Variants in CLCN1 observed in about 807,000 individuals in gnomAD.
CLCN1 encodes the protein chloride voltage-gated channel 1.
In CLCN1, 100 loss-of-function variants were observed where a neutral mutation model predicts 114.5. The ratio of observed to expected loss-of-function variants is 0.87; its 90% CI spans 0.74 to 1.03. The LOEUF is 1.03. Ranked by LOEUF, CLCN1 falls within the 50% of genes least tolerant of loss-of-function variation. CLCN1 has a pLI of 0.00. For missense variants in CLCN1, 1,188 were observed against 1,250.0 expected, an observed-to-expected ratio of 0.95 and a Z score of 0.75; for synonymous variants, 485 against 487.1, an observed-to-expected ratio of 1.00 and a Z score of 0.06.
rs1275027459 is a variant in CLCN1, at chr7:143,337,857, C to T, written c.1402-1396C>T. 1.1e-4 allele frequency among the ~76,000 whole-genome samples: 10 copies of T among 91,018 alleles called. No homozygotes were observed. In the South Asian group the frequency reaches 2.7e-3, roughly 25 times the overall value. 59.7% of individuals were successfully genotyped at this position (91,018 alleles called of 152,430 possible). A position where few individuals can be genotyped will look rare whatever the true frequency, so the allele number is the denominator to read the frequency against. ...TTTTTTTTTTTTTGCGACAGAGTCTCGCTCTGTCGCCCAGGCTGGAGGGCA... is the reference window on the plus strand; with the variant it reads ...TTTTTTTTTTTTTGCGACAGAGTCTTGCTCTGTCGCCCAGGCTGGAGGGCA... On this transcript the variant is annotated intron_variant, in intron 12 of 22. Transcript: ENST00000343257.
intron 8 of CLCN1, 92 bp downstream of exon 8, chr7:143,330,989 G>A: frequency 1.3e-6 from 2 of 1,575,604 alleles, no homozygotes; most frequent in Admixed American, 1.7e-5. Flanking sequence ...TTCAGAAAAG[G>A]AATAATGGGC....
At chr7:143,320,827 G>T in intron 3 of CLCN1, 32 bp downstream of exon 3, 1 of 1,613,046 alleles carries the variant, frequency 6.2e-7, no homozygotes, top group South Asian at 1.1e-5. Flanking sequence ...GCCCACAGCC[G>T]TTTCTGGAGT....
At chr7:143,317,877 C>A (rs1802329279) in intron 1 of CLCN1, among the ~76,000 whole-genome samples, 1 of 152,076 alleles carries the variant, frequency 6.6e-6, no homozygotes, top group Non-Finnish European at 1.5e-5. Flanking sequence ...CCCCCTGGCC[C>A]TGTGTTCTCA....
intron 7 of CLCN1, among the ~76,000 whole-genome samples, chr7:143,328,417 C>T (rs1802631459): frequency 6.6e-6 from 1 of 152,114 alleles, no homozygotes; most frequent in South Asian, 2.1e-4. Context: ...CTTCCGAAAG[C>T]TGTTTTTGTT....
rs1802724438 is a variant in CLCN1, at chr7:143,331,549, A to AG, written c.1065dup. The stretch of plus-strand genomic sequence containing the variant: ...TTCCAACTCTATAAATTACACCCTC[A>AG]GGATTTGCTGTGGGCTCCTGGGAGC... On this transcript the variant is annotated splice_acceptor_variant, in intron 9 of 22. Coordinates refer to ENST00000343257, the MANE Select transcript of CLCN1 (RefSeq NM_000083.3). LOFTEE classifies it high-confidence loss of function. The AG allele has an allele frequency of 6.2e-7, 1 of 1,607,206 alleles. No homozygotes were observed. Among genetic ancestry groups the AG allele is most frequent in the Non-Finnish European group, 8.5e-7 (1 of 1,173,728 alleles).
chr7:143,339,418 T>C lies in CLCN1; in HGVS notation c.1472-93T>C. ...GCCCGGGATGCTGGGAGTTTATATT[T>C]GTTCTTAATGCCCAAGGAGAGATTG... On this transcript the variant is annotated intron_variant, in intron 13 of 22. Coordinates refer to ENST00000343257, the MANE Select transcript of CLCN1 (RefSeq NM_000083.3). This position sits in a 1 kb window ranked among gnomAD's most constrained non-coding sequence, Gnocchi z 4.1. 7.3e-7 allele frequency: 1 copy of C among 1,369,666 alleles called. No homozygotes were observed. The allele number at this position is 1,369,666 out of a possible 1,614,324, so 84.8% of individuals were successfully genotyped here. A position where few individuals can be genotyped will look rare whatever the true frequency, so the allele number is the denominator to read the frequency against.
intron 12 of CLCN1, among the ~76,000 whole-genome samples, chr7:143,336,495 A>G (rs1411395541): frequency 1.3e-5 from 2 of 151,822 alleles, no homozygotes; most frequent in African/African-American, 2.4e-5. Context: ...CTGTAATCCC[A>G]GCTCCTCGGG....
At position 143,345,776 on chromosome 7, in the gene CLCN1, G is replaced by A; in HGVS notation, c.2172+14G>A. 2 of 1,605,260 alleles carry A rather than the reference G, an allele frequency of 1.2e-6. No homozygotes were observed. The highest frequency in any genetic ancestry group is 2.2e-5 in the South Asian group (2 of 89,636). On this transcript the variant is annotated intron_variant, in intron 17 of 22. Coordinates refer to ENST00000343257, the MANE Select transcript of CLCN1 (RefSeq NM_000083.3). The stretch of plus-strand genomic sequence containing the variant: ...GGCAAGAGCGAGGTGACCGCGCCGG[G>A]AAGGGCTAGGGAGTGGGATAGATCA...
In CLCN1 at chr7:143,339,455, T is replaced by TTGGATCTCGTAATGGTTCTGAAAACA. The variant is rs2116865080; in HGVS notation, c.1472-56_1472-55insTGGATCTCGTAATGGTTCTGAAAACA. 3.4e-6 allele frequency: 5 copies of TTGGATCTCGTAATGGTTCTGAAAACA among 1,466,228 alleles called. No individual in the cohort carries two copies. In the Admixed American group the frequency reaches 5.0e-5, roughly 15 times the overall value. 90.8% of individuals were successfully genotyped at this position (1,466,228 alleles called of 1,614,324 possible). On this transcript the variant is annotated intron_variant, in intron 13 of 22. Transcript: ENST00000343257. This position sits in a 1 kb window ranked among gnomAD's most constrained non-coding sequence, Gnocchi z 4.1. ...CCAAGGAGAGATTGGTTCTGAAAAC[T>TTGGATCTCGTAATGGTTCTGAAAACA]GAGAGCAAGGAACTTGGATCTCGTA...
chr7:143,321,553 C>CT lies in CLCN1; in HGVS notation c.562+61dup. ...GTGGCCTGAGAGGGGCCCTGTCTGT[C>CT]TCCCCCATCATCCAGCCCCACCCAC... On this transcript the variant is annotated intron_variant, in intron 4 of 22. Transcript: ENST00000343257. The surrounding 1 kb of genome is among the most constrained non-coding windows in gnomAD (Gnocchi z 4.2). 6.2e-7 allele frequency: 1 copy of CT among 1,612,644 alleles called. No homozygotes were observed. Among genetic ancestry groups the CT allele is most frequent in the Non-Finnish European group, 8.5e-7 (1 of 1,179,496 alleles).
At chr7:143,343,721 T>C (rs1356477028) in intron 16 of CLCN1, among the ~76,000 whole-genome samples, 1 of 152,098 alleles carries the variant, frequency 6.6e-6, no homozygotes, top group African/African-American at 2.4e-5. Flanking sequence ...TTTCTCTTTC[T>C]TTCTTTCCTT....
chr7:143,344,749 G>GC (rs1205402473), intron 16 of CLCN1, among the ~76,000 whole-genome samples: 1 of 96,018 alleles, frequency 1.0e-5, no homozygotes, highest in Non-Finnish European at 2.0e-5. Context: ...TATCCTAGCA[G>GC]GGTTTTTTTT....
chr7:143,337,662 T>C (rs1180624030), intron 12 of CLCN1, among the ~76,000 whole-genome samples: 1 of 152,174 alleles, frequency 6.6e-6, no homozygotes, highest in African/African-American at 2.4e-5. Flanking sequence ...AAGTTTGAGA[T>C]CCATTTCTGA....
At chr7:143,330,708 TG>T (rs1802697341) in intron 7 of CLCN1, 63 bp from the exon 8 acceptor site, 2 of 1,610,260 alleles carry the variant, frequency 1.2e-6, no homozygotes, top group Admixed American at 1.7e-5. Context: ...GTCCAAGCAG[TG>T]GGGAGTGTGG....
rs1257110037 is a variant in CLCN1, at chr7:143,321,582, C to T, written c.562+89C>T. The T allele has an allele frequency of 4.4e-6, 7 of 1,607,786 alleles. No individual in the cohort carries two copies. The highest frequency in any genetic ancestry group is 5.1e-6 in the Non-Finnish European group (6 of 1,175,412). ...CCCATCATCCAGCCCCACCCACAGC[C>T]CTGTGCTGCCTTGCCCCATCCTCCC... On this transcript the variant is annotated intron_variant, in intron 4 of 22. Coordinates refer to ENST00000343257, the MANE Select transcript of CLCN1 (RefSeq NM_000083.3). The surrounding 1 kb of genome is among the most constrained non-coding windows in gnomAD (Gnocchi z 4.2).
At chr7:143,328,489 T>G (rs1802635031) in intron 7 of CLCN1, among the ~76,000 whole-genome samples, 2 of 152,226 alleles carry the variant, frequency 1.3e-5, no homozygotes, top group South Asian at 4.1e-4. Flanking sequence ...ATATTAAAAT[T>G]AGCTCTCATT....
intron 5 of CLCN1, among the ~76,000 whole-genome samples, chr7:143,322,525 T>A (rs993565988): frequency 6.6e-5 from 10 of 152,132 alleles, no homozygotes; most frequent in African/African-American, 2.4e-4. Flanking sequence ...TTGAAAGTTT[T>A]GTTGTTGTTG....
rs969005488 is a variant in CLCN1, at chr7:143,350,784, T to C, written c.2595+130T>C. The stretch of plus-strand genomic sequence containing the variant: ...GATTCCCTTCTCTATTTCTTTCTTT[T>C]TTTTTTTTTTGAGACAGAGTTTCAC... On this transcript the variant is annotated intron_variant, in intron 22 of 22. Transcript: ENST00000343257. This position sits in a 1 kb window ranked among gnomAD's most constrained non-coding sequence, Gnocchi z 5.1. 2.8e-6 allele frequency: 2 copies of C among 707,188 alleles called. No individual in the cohort carries two copies. Among genetic ancestry groups the C allele is most frequent in the Non-Finnish European group, 2.4e-6 (1 of 419,116 alleles). 43.8% of individuals were successfully genotyped at this position (707,188 alleles called of 1,614,324 possible).
At chr7:143,328,118 T>C (rs536488788) in intron 7 of CLCN1, among the ~76,000 whole-genome samples, 2 of 152,304 alleles carry the variant, frequency 1.3e-5, no homozygotes, top group Middle Eastern at 3.4e-3. Flanking sequence ...CATTTCACTT[T>C]GAGTGTATTG....
Sources: allele counts gnomAD v4.1 joint callset (sites outside exome capture counted in the v4.1 genomes callset), GRCh38; gene constraint gnomAD v4.1.1; non-coding constraint Gnocchi (gnomAD v3.1); transcripts MANE v1.5; gene names NCBI Gene and HGNC (gene_info 2026-07-23, HGNC 2026-07-21).